KIRREL3: variants seen among roughly 807,000 people sequenced by gnomAD.
KIRREL3 encodes kin of IRRE-like protein 3.
KIRREL3 carries 36 observed loss-of-function variants against 89.7 expected under a neutral mutation model. The observed-to-expected ratio is 0.40, with a 90% CI of 0.31 to 0.53. KIRREL3 has a LOEUF of 0.53. Among genes scored for constraint, KIRREL3 ranks in the 20% least tolerant of loss-of-function variants. The probability of loss-of-function intolerance (pLI) is 0.49; values close to 1 mark genes in which losing one functional copy is unlikely to be tolerated. For missense variants in KIRREL3, 864 were observed against 1,056.6 expected, an observed-to-expected ratio of 0.82 and a Z score of 2.53; for synonymous variants, 445 against 441.4, an observed-to-expected ratio of 1.01 and a Z score of -0.10.
chr11:126,670,474 A>C (rs970364643), intron 1 of KIRREL3, among the ~76,000 whole-genome samples: 1 of 152,208 alleles, frequency 6.6e-6, no homozygotes, highest in Non-Finnish European at 1.5e-5. Context: ...TAAGTAAAAG[A>C]AATAAAAAGT....
Position 126,557,461 on chromosome 11 carries a change from A to G in KIRREL3, c.133+5374T>C, listed in dbSNP as rs954035309. 2.4e-4 allele frequency among the ~76,000 whole-genome samples: 37 copies of G among 152,316 alleles called. No individual in the cohort carries two copies. The highest frequency in any genetic ancestry group is 8.4e-4 in the African/African-American group (35 of 41,562). ...GAATCATCACATTTTAGAGACATAC[A>G]GGTCATCTTATGAAACATGATTCCA... On this transcript the variant is annotated intron_variant, in intron 2 of 16. Transcript: ENST00000525144. The surrounding 1 kb of genome is among the most constrained non-coding windows in gnomAD (Gnocchi z 5.6).
chr11:126,767,280 T>C (rs973846905), intron 1 of KIRREL3, among the ~76,000 whole-genome samples: 3 of 152,160 alleles, frequency 2.0e-5, no homozygotes, highest in African/African-American at 7.2e-5. Context: ...CTACCAAATC[T>C]GACAGGAGGG....
At chr11:126,665,771 T>C (rs1049062228) in intron 1 of KIRREL3, among the ~76,000 whole-genome samples, 1 of 152,232 alleles carries the variant, frequency 6.6e-6, no homozygotes, top group African/African-American at 2.4e-5. Context: ...GCCCCAGTGG[T>C]GAAGAGCACA....
chr11:126,874,067 C>T (rs1945194469), intron 1 of KIRREL3, among the ~76,000 whole-genome samples: 1 of 152,176 alleles, frequency 6.6e-6, no homozygotes, highest in Non-Finnish European at 1.5e-5. Flanking sequence ...TAAGGTGATG[C>T]AAAGGCACCT....
chr11:126,754,981 C>T lies in KIRREL3; in HGVS notation c.56-192069G>A, dbSNP rs537579292. Among the ~76,000 whole-genome samples the T allele has an allele frequency of 1.1e-3, 175 of 152,294 alleles. No homozygotes were observed. The highest frequency in any genetic ancestry group is 4.1e-3 in the African/African-American group (171 of 41,572). On this transcript the variant is annotated intron_variant, in intron 1 of 16. Coordinates refer to ENST00000525144, the MANE Select transcript of KIRREL3 (RefSeq NM_032531.4). The surrounding 1 kb of genome is among the most constrained non-coding windows in gnomAD (Gnocchi z 5.1). ...ATGTGAAGAAAAGCTGTTTGCTTGA[C>T]ACAAACAGGGCTGGCCCTTTAAGAA... is the stretch of plus-strand genomic sequence containing the variant.
At chr11:126,482,553 A>G (rs1364940009) in intron 4 of KIRREL3, among the ~76,000 whole-genome samples, 3 of 152,230 alleles carry the variant, frequency 2.0e-5, no homozygotes, top group African/African-American at 7.2e-5. Context: ...ATGCTTTGTA[A>G]AGGGTCTGAT....
Position 126,889,366 on chromosome 11 carries a change from A to G in KIRREL3, c.55+111089T>C, listed in dbSNP as rs374374287. Among the ~76,000 whole-genome samples the G allele has an allele frequency of 1.5e-4, 23 of 152,326 alleles. No homozygotes were observed. In the East Asian group the frequency reaches 4.0e-3, roughly 27 times the overall value. ...GGCTTCTTTCACTTGGCATAATTAC[A>G]TTGACATTCGTCATCATTACTGCGT... On this transcript the variant is annotated intron_variant, in intron 1 of 16. Transcript: ENST00000525144.
Position 126,550,133 on chromosome 11 carries a change from A to G in KIRREL3, c.133+12702T>C, listed in dbSNP as rs575540843. ...CCTTGGGGGCAGGGACTGTGTTTTT[A>G]CATGCACAGCGCCAGGCACAGAGCG... On this transcript the variant is annotated intron_variant, in intron 2 of 16. Coordinates refer to ENST00000525144, the MANE Select transcript of KIRREL3 (RefSeq NM_032531.4). This position sits in a 1 kb window ranked among gnomAD's most constrained non-coding sequence, Gnocchi z 4.9. The G allele has an allele frequency of 6.6e-6, 1 of 152,190 alleles. No individual in the cohort carries two copies. Among genetic ancestry groups the G allele is most frequent in the Non-Finnish European group, 1.5e-5 (1 of 68,058 alleles). 9.4% of individuals were successfully genotyped at this position (152,190 alleles called of 1,614,324 possible).
rs1305891093 is a variant in KIRREL3 at position 126,574,810 on chromosome 11, C to T, written c.56-11898G>A. 6.6e-6 allele frequency among the ~76,000 whole-genome samples: 1 copy of T among 152,210 alleles called. No individual in the cohort carries two copies. Among genetic ancestry groups the T allele is most frequent in the African/African-American group, 2.4e-5 (1 of 41,438 alleles). On this transcript the variant is annotated intron_variant, in intron 1 of 16. Coordinates refer to ENST00000525144, the MANE Select transcript of KIRREL3 (RefSeq NM_032531.4). The surrounding 1 kb of genome is among the most constrained non-coding windows in gnomAD (Gnocchi z 5.3). ...CCCTTGCCTACCTACTCCTGCCAAC[C>T]CATTCATTTGTTTATTGATGAGCTG... is the stretch of plus-strand genomic sequence containing the variant.
chr11:126,443,089 C>T lies in KIRREL3; in HGVS notation c.1252+1890G>A, dbSNP rs113384972. 2.1e-3 allele frequency among the ~76,000 whole-genome samples: 323 copies of T among 152,332 alleles called. No individual in the cohort carries two copies. The highest frequency in any genetic ancestry group is 7.0e-3 in the African/African-American group (291 of 41,570). On this transcript the variant is annotated intron_variant, in intron 10 of 16. Transcript: ENST00000525144. This position sits in a 1 kb window ranked among gnomAD's most constrained non-coding sequence, Gnocchi z 7.3. The stretch of plus-strand genomic sequence containing the variant: ...TAAATCTCCCTTGGAAATGTCTGAA[C>T]GTCTAAAGTGACAGCAGATGTCAGC...
chr11:126,861,735 A>C (rs1010201302), intron 1 of KIRREL3, among the ~76,000 whole-genome samples: 3 of 152,232 alleles, frequency 2.0e-5, no homozygotes, highest in Non-Finnish European at 4.4e-5. Context: ...TCTGGCAGTC[A>C]AAAAAATCTG....
intron 1 of KIRREL3, among the ~76,000 whole-genome samples, chr11:126,572,398 G>A (rs2071390834): frequency 6.6e-6 from 1 of 152,240 alleles, no homozygotes; most frequent in South Asian, 2.1e-4. Context: ...TGAGGCTCAG[G>A]GAAGCCAAGC....
chr11:126,554,172 A>G (rs1481442746), intron 2 of KIRREL3, among the ~76,000 whole-genome samples: 1 of 152,186 alleles, frequency 6.6e-6, no homozygotes, highest in Non-Finnish European at 1.5e-5. Flanking sequence ...TCTTCTGGGC[A>G]CTGCTGTCCC....
intron 4 of KIRREL3, among the ~76,000 whole-genome samples, chr11:126,507,031 G>A (rs1312025392): frequency 6.6e-6 from 1 of 152,178 alleles, no homozygotes; most frequent in Non-Finnish European, 1.5e-5. Flanking sequence ...ATACTATTCA[G>A]CAATAAAAAG....
chr11:126,457,698 C>T (rs1956417520), intron 6 of KIRREL3, among the ~76,000 whole-genome samples: 1 of 152,058 alleles, frequency 6.6e-6, no homozygotes. Context: ...GAGAGACTGA[C>T]CTGTTTGCAG....
At chr11:126,547,061 T>A (rs1035136182) in intron 2 of KIRREL3, among the ~76,000 whole-genome samples, 1 of 152,254 alleles carries the variant, frequency 6.6e-6, no homozygotes, top group African/African-American at 2.4e-5. Context: ...TATAGTATTT[T>A]ACAAGTTTAT....
At position 126,478,329 on chromosome 11, in the gene KIRREL3, A is replaced by G. The variant is rs150305223; in HGVS notation, c.434-4863T>C. Among the ~76,000 whole-genome samples, 316 of 152,362 alleles carry G rather than the reference A, an allele frequency of 2.1e-3. 1 individual carries two copies. Among genetic ancestry groups the G allele is most frequent in the African/African-American group, 7.4e-3 (307 of 41,582 alleles). ...ATCTGTCACCGTTCTAGAAAGGACA[A>G]CAAAGACCTTATCTATCTTGGTCAT... On this transcript the variant is annotated intron_variant, in intron 4 of 16. Coordinates refer to ENST00000525144, the MANE Select transcript of KIRREL3 (RefSeq NM_032531.4).
rs186465661 is a variant in KIRREL3 at position 126,558,686 on chromosome 11, C to A, written c.133+4149G>T. Among the ~76,000 whole-genome samples the A allele has an allele frequency of 1.5e-3, 226 of 152,266 alleles. 1 individual carries two copies. The highest frequency in any genetic ancestry group is 4.9e-3 in the African/African-American group (204 of 41,554). On this transcript the variant is annotated intron_variant, in intron 2 of 16. Coordinates refer to ENST00000525144, the MANE Select transcript of KIRREL3 (RefSeq NM_032531.4). This position sits in a 1 kb window ranked among gnomAD's most constrained non-coding sequence, Gnocchi z 4.0. ...GCCCCTCCCCTGATACATGTGACAG[C>A]CTTCTACTCTGCCTGGGAATAGGAT...
Position 126,624,734 on chromosome 11 carries a change from C to T in KIRREL3, c.56-61822G>A, listed in dbSNP as rs974485323. ...ATTTTTCAAAGGGCTGAGTAATTCC[C>T]GAGCATCAATAACGTGTGTCATGAT... is the stretch of plus-strand genomic sequence containing the variant. On this transcript the variant is annotated intron_variant, in intron 1 of 16. Transcript: ENST00000525144. This position sits in a 1 kb window ranked among gnomAD's most constrained non-coding sequence, Gnocchi z 6.0. 1.1e-4 allele frequency among the ~76,000 whole-genome samples: 17 copies of T among 152,306 alleles called. No individual in the cohort carries two copies. Among genetic ancestry groups the T allele is most frequent in the African/African-American group, 3.1e-4 (13 of 41,578 alleles).
Sources: gnomAD v4.1 joint callset for allele counts (sites outside exome capture counted in the v4.1 genomes callset) on GRCh38, gnomAD v4.1.1 for gene constraint, Gnocchi (gnomAD v3.1) non-coding constraint, MANE v1.5 for transcripts, NCBI Gene and HGNC (gene_info 2026-07-23, HGNC 2026-07-21) for gene names.